The following OSBPL1A variants were observed in gnomAD, a reference collection of about 807,000 sequenced individuals.
The protein encoded by OSBPL1A is oxysterol-binding protein-related protein 1.
In OSBPL1A, 80 loss-of-function variants were observed where a neutral mutation model predicts 137.1. The ratio of observed to expected loss-of-function variants is 0.58; its 90% CI spans 0.49 to 0.70. OSBPL1A has a LOEUF of 0.70. Ranked by LOEUF, OSBPL1A falls within the 30% of genes least tolerant of loss-of-function variation. The pLI is 0.00. For missense variants in OSBPL1A, 970 were observed against 1,129.4 expected (o/e 0.86, Z 2.02); for synonymous variants, 365 against 389.7 (o/e 0.94, Z 0.75).
chr18:24,264,113 C>A (rs1311869150), intron 15 of OSBPL1A, among the ~76,000 whole-genome samples: 1 of 152,110 alleles, frequency 6.6e-6, no homozygotes, highest in Non-Finnish European at 1.5e-5. Flanking sequence ...ATACAGTTCC[C>A]AATAGGGATT....
intron 1 of OSBPL1A, among the ~76,000 whole-genome samples, chr18:24,396,779 C>T (rs1907773036): frequency 6.6e-6 from 1 of 152,092 alleles, no homozygotes. Flanking sequence ...TTCTACCCCT[C>T]AAAACGAATC....
At chr18:24,292,880 T>C (rs1219923745) in intron 14 of OSBPL1A, among the ~76,000 whole-genome samples, 21 of 151,162 alleles carry the variant, frequency 1.4e-4, no homozygotes, top group Admixed American at 1.4e-3. Flanking sequence ...CTGAAGTGGG[T>C]GGATCACTTG....
intron 21 of OSBPL1A, among the ~76,000 whole-genome samples, chr18:24,176,225 C>T (rs2086442937): frequency 6.6e-6 from 1 of 152,178 alleles, no homozygotes; most frequent in Non-Finnish European, 1.5e-5. Context: ...GGACTGTGCT[C>T]ATACAGACTG....
intron 16 of OSBPL1A, among the ~76,000 whole-genome samples, chr18:24,229,260 T>C (rs971102789): frequency 1.3e-5 from 2 of 152,098 alleles, no homozygotes; most frequent in African/African-American, 2.4e-5. Context: ...TGAGGTAGTC[T>C]CCCGATACAT....
chr18:24,249,536 C>G (rs1049972220), intron 15 of OSBPL1A, among the ~76,000 whole-genome samples: 3 of 152,212 alleles, frequency 2.0e-5, no homozygotes, highest in Admixed American at 6.5e-5. Context: ...AGTCTTGAAT[C>G]ACCAACACCA....
At position 24,256,299 on chromosome 18, in the gene OSBPL1A, T is replaced by C. The variant is rs112468013; in HGVS notation, c.1282-16917A>G. 9.8e-3 allele frequency among the ~76,000 whole-genome samples: 1,491 copies of C among 152,296 alleles called. 31 individuals carry two copies. The highest frequency in any genetic ancestry group is 0.033 in the African/African-American group (1,361 of 41,546). On this transcript the variant is annotated intron_variant, in intron 15 of 27. Coordinates refer to ENST00000319481, the MANE Select transcript of OSBPL1A (RefSeq NM_080597.4). The stretch of plus-strand genomic sequence containing the variant: ...ATTCATCATAAACAAGTGGGATTTA[T>C]CCCAGGGATGGTACAACATATGCAA...
rs202181773 is a variant in OSBPL1A, at chr18:24,172,466, G to A, written c.2111C>T (p.Thr704Ile). Residue 704 changes from threonine to isoleucine, a missense_variant, in exon 22 of 28, where the codon ACA (threonine) becomes ATA (isoleucine). This residue lies in a region of OSBPL1A where 323 missense variants were observed against 456.8 expected (regional missense o/e 0.71). Coordinates refer to ENST00000319481, the MANE Select transcript of OSBPL1A (RefSeq NM_080597.4). ...CACACAGCAGGTGGGATTTGTCCAT[G>A]TATATGCCTCATTGTGTCTAAAAAA... is the stretch of plus-strand genomic sequence containing the variant. ...LELLEHNEAY[T>I]WTNPTCCVHN... The A allele has an allele frequency of 6.2e-7, 1 of 1,613,564 alleles. No individual in the cohort carries two copies. The highest frequency in any genetic ancestry group is 2.2e-5 in the East Asian group (1 of 44,874).
intron 1 of OSBPL1A, among the ~76,000 whole-genome samples, chr18:24,384,110 A>G (rs1363750944): frequency 6.6e-6 from 1 of 152,238 alleles, no homozygotes. Context: ...CTTGAATAAG[A>G]AGTTCACCAA....
intron 16 of OSBPL1A, among the ~76,000 whole-genome samples, chr18:24,228,222 C>T (rs2088151336): frequency 6.6e-6 from 1 of 150,708 alleles, no homozygotes; most frequent in African/African-American, 2.5e-5. Flanking sequence ...CCCGACTCAC[C>T]CCCTCTGTGC....
intron 4 of OSBPL1A, among the ~76,000 whole-genome samples, chr18:24,345,543 A>G (rs1361704283): frequency 5.3e-5 from 8 of 152,140 alleles, no homozygotes; most frequent in Non-Finnish European, 1.2e-4. Flanking sequence ...AAAATTAGCC[A>G]GGCGTAGTGG....
chr18:24,332,901 A>G (rs2848605), intron 7 of OSBPL1A, 41 bp downstream of exon 7: 606,038 of 1,599,862 alleles, frequency 0.38, 124,831 homozygotes, highest in African/African-American at 0.84. Context: ...TCATTTTATA[A>G]TTTCAAAATG....
chr18:24,347,841 G>GAAAAAAAAAAAAAAAAA (rs34599277), intron 4 of OSBPL1A: 1 of 55,744 alleles, frequency 1.8e-5, no homozygotes, highest in Non-Finnish European at 3.2e-5. Flanking sequence ...CACTCCATCT[G>GAAAAAAAAAAAAAAAAA]AAAAAAAAAA....
chr18:24,262,870 A>G (rs1470826216), intron 15 of OSBPL1A, among the ~76,000 whole-genome samples: 1 of 151,852 alleles, frequency 6.6e-6, no homozygotes, highest in African/African-American at 2.4e-5. Context: ...AAATAAATGG[A>G]ATCATGCAGG....
intron 16 of OSBPL1A, among the ~76,000 whole-genome samples, chr18:24,232,029 G>A (rs1309250409): frequency 2.0e-5 from 3 of 152,154 alleles, no homozygotes; most frequent in Non-Finnish European, 4.4e-5. Flanking sequence ...GCCAGGAAAC[G>A]CACACATGCT....
At chr18:24,388,403 C>G (rs978672659) in intron 1 of OSBPL1A, among the ~76,000 whole-genome samples, 12 of 152,088 alleles carry the variant, frequency 7.9e-5, no homozygotes, top group Admixed American at 2.6e-4. Flanking sequence ...TCCAGTCTCC[C>G]TGTAGGGAGG....
At chr18:24,276,056 G>GTATGA (rs1358096222) in intron 15 of OSBPL1A, among the ~76,000 whole-genome samples, 2 of 152,042 alleles carry the variant, frequency 1.3e-5, no homozygotes, top group Non-Finnish European at 2.9e-5. Context: ...TTGGGTCACA[G>GTATGA]CTTTTCAGCA....
intron 1 of OSBPL1A, among the ~76,000 whole-genome samples, chr18:24,394,542 T>C (rs2144294154): frequency 6.6e-6 from 1 of 152,268 alleles, no homozygotes; most frequent in South Asian, 2.1e-4. Flanking sequence ...CCCTACAAAT[T>C]TAACAAATCA....
intron 17 of OSBPL1A, among the ~76,000 whole-genome samples, chr18:24,221,637 C>A (rs2087894435): frequency 6.6e-6 from 1 of 152,028 alleles, no homozygotes; most frequent in South Asian, 2.1e-4. Flanking sequence ...ATGAAAGAGA[C>A]CCATTTTCTT....
At chr18:24,270,087 G>T (rs2089681265) in intron 15 of OSBPL1A, among the ~76,000 whole-genome samples, 1 of 152,080 alleles carries the variant, frequency 6.6e-6, no homozygotes, top group Non-Finnish European at 1.5e-5. Context: ...AATGTGGACT[G>T]AATAACAATT....
Sources: allele counts gnomAD v4.1 joint callset (sites outside exome capture counted in the v4.1 genomes callset), GRCh38; gene constraint gnomAD v4.1.1; regional missense constraint gnomAD v4.1.1; transcripts MANE v1.5; gene names NCBI Gene and HGNC (gene_info 2026-07-23, HGNC 2026-07-21).